Variants in COL10A1 observed in about 807,000 individuals in gnomAD.
COL10A1 encodes collagen alpha-1(X) chain.
A neutral mutation model predicts 18.2 loss-of-function variants in COL10A1; 10 were observed. The observed-to-expected ratio is 0.55, with a 90% CI of 0.34 to 0.93. The LOEUF (loss-of-function observed/expected upper bound fraction) is 0.93. Among genes scored for constraint, COL10A1 ranks in the 40% least tolerant of loss-of-function variants. COL10A1 has a pLI of 0.02. For synonymous variants in COL10A1, 330 were observed against 316.6 expected (o/e 1.04, Z -0.45); for missense variants, 897 against 853.5 (o/e 1.05, Z -0.64).
upstream of COL10A1, among the ~76,000 whole-genome samples, chr6:116,163,141 A>AAAAAAAAATATATATATATATAT (rs761718922): frequency 2.3e-5 from 2 of 88,406 alleles, no homozygotes; most frequent in African/African-American, 1.2e-4. Context: ...AAAAAAAAAA[A>AAAAAAAAATATATATATATATAT]ATATATATAT....
chr6:116,192,784 A>C, the COL10A1 span, among the ~76,000 whole-genome samples: 2 of 152,002 alleles, frequency 1.3e-5, no homozygotes. Flanking sequence ...CATTTCCTCT[A>C]TTACGATTTC....
upstream of COL10A1, among the ~76,000 whole-genome samples, chr6:116,160,127 A>G (rs899148878): frequency 2.0e-5 from 3 of 152,200 alleles, no homozygotes; most frequent in Non-Finnish European, 2.9e-5. Flanking sequence ...TTATGTATAT[A>G]CATAGTGGTG....
the COL10A1 span, among the ~76,000 whole-genome samples, chr6:116,188,568 A>G: frequency 5.5e-4 from 83 of 152,052 alleles, no homozygotes; most frequent in Non-Finnish European, 1.0e-3. Context: ...CATTTATAAA[A>G]TAGATATTAA....
chr6:116,134,140 T>C (rs1582824411), intron 1 of COL10A1, among the ~76,000 whole-genome samples: 1 of 152,178 alleles, frequency 6.6e-6, no homozygotes, highest in Non-Finnish European at 1.5e-5. Context: ...TGCTCCACAA[T>C]TGTGATTGGT....
chr6:116,147,465 G>A (rs1779926893), intron 1 of COL10A1, among the ~76,000 whole-genome samples: 2 of 151,606 alleles, frequency 1.3e-5, no homozygotes, highest in Admixed American at 1.3e-4. Context: ...AAAATAAAAA[G>A]ATAAATGACA....
chr6:116,120,677 A>T lies in COL10A1; in HGVS notation c.1439T>A (p.Ile480Lys), dbSNP rs1779088752. 6.5e-7 allele frequency: 1 copy of T among 1,546,394 alleles called. No individual in the cohort carries two copies. Among genetic ancestry groups the T allele is most frequent in the Non-Finnish European group, 8.7e-7 (1 of 1,154,012 alleles). ...GSPGPPGPAGIATKGLNGPTG... is the reference protein window; with the variant it reads ...GSPGPPGPAGKATKGLNGPTG... ...GGGTCCATTGAGGCCCTTAGTTGCT[A>T]TGCCAGCTGGGCCAGGAGGACCGGG... Residue 480 changes from isoleucine (I) to lysine (K), a missense_variant, in exon 3 of 3, where the codon ATA (isoleucine) becomes AAA (lysine). Transcript: ENST00000651968.
At chr6:116,139,087 A>G (rs1029743949) in intron 1 of COL10A1, among the ~76,000 whole-genome samples, 8 of 152,190 alleles carry the variant, frequency 5.3e-5, no homozygotes, top group African/African-American at 1.9e-4. Context: ...ATGTATTCTT[A>G]TGATTTATAG....
chr6:116,188,586 T>G, the COL10A1 span, among the ~76,000 whole-genome samples: 1 of 152,008 alleles, frequency 6.6e-6, no homozygotes, highest in East Asian at 1.9e-4. Flanking sequence ...TAAAATGGGT[T>G]ACACTAGAGC....
chr6:116,144,963 A>T lies in COL10A1; in HGVS notation c.-16+13651T>A, dbSNP rs569515484. ...AAAATGTGCTAGTTGCCAGCAGTGA[A>T]GAAGTGATCTGAGGGAAAAGGGTTC... On this transcript the variant is annotated intron_variant, in intron 1 of 1. Coordinates refer to the COL10A1 transcript ENST00000418500. 3.3e-5 allele frequency among the ~76,000 whole-genome samples: 5 copies of T among 152,336 alleles called. No homozygotes were observed. In the East Asian group the frequency reaches 9.6e-4, roughly 29 times the overall value.
chr6:116,124,899 G>C (rs1366380805), intron 2 of COL10A1, among the ~76,000 whole-genome samples: 1 of 152,162 alleles, frequency 6.6e-6, no homozygotes, highest in Non-Finnish European at 1.5e-5. Flanking sequence ...TTTTATATCT[G>C]TTTGTGGGCT....
the COL10A1 span, among the ~76,000 whole-genome samples, chr6:116,164,836 C>T: frequency 1.1e-4 from 16 of 152,160 alleles, no homozygotes; most frequent in Admixed American, 3.9e-4. Flanking sequence ...AAAAGATACA[C>T]GCTTTGGGAG....
the COL10A1 span, among the ~76,000 whole-genome samples, chr6:116,166,930 AGTATC>A: frequency 6.6e-6 from 1 of 152,180 alleles, no homozygotes; most frequent in Non-Finnish European, 1.5e-5. Context: ...GAGCCAAGGA[AGTATC>A]TTGCCTTCCT....
upstream of COL10A1, among the ~76,000 whole-genome samples, chr6:116,161,434 C>G (rs1377101705): frequency 1.3e-5 from 2 of 151,648 alleles, no homozygotes; most frequent in Non-Finnish European, 2.9e-5. Flanking sequence ...AAATAGGGGT[C>G]CAGTTTTATT....
the COL10A1 span, among the ~76,000 whole-genome samples, chr6:116,200,247 C>T: frequency 1.3e-5 from 2 of 151,834 alleles, no homozygotes; most frequent in African/African-American, 4.8e-5. Flanking sequence ...GTCAAAGTTA[C>T]CAAAAACAGG....
upstream of COL10A1, among the ~76,000 whole-genome samples, chr6:116,162,528 T>C (rs1295482481): frequency 6.6e-6 from 1 of 152,264 alleles, no homozygotes; most frequent in Non-Finnish European, 1.5e-5. Flanking sequence ...CATATTGAGA[T>C]GATCATGTGA....
At position 116,121,457 on chromosome 6, in the gene COL10A1, C is replaced by G; in HGVS notation, c.659G>C (p.Gly220Ala). The G allele has an allele frequency of 1.9e-6, 3 of 1,614,078 alleles. 1 individual carries two copies. The South Asian group carries it at 3.3e-5, about 18-fold the overall frequency. ...TGGAACCCCATTTTCACCTCTTTTT[C>G]CCACTCCAGGAGGGCCAGATGGTCC... is the stretch of plus-strand genomic sequence containing the variant. The part of the protein sequence containing the change: ...PTGPSGPPGV[G>A]KRGENGVPGQ... Residue 220 changes from glycine to alanine, a missense_variant, in exon 3 of 3, where the codon GGA (glycine) becomes GCA (alanine). Gly to Ala is a moderately conservative substitution (Grantham distance 60, BLOSUM62 0). Transcript: ENST00000651968.
chr6:116,193,353 G>A, the COL10A1 span, among the ~76,000 whole-genome samples: 1 of 152,004 alleles, frequency 6.6e-6, no homozygotes, highest in South Asian at 2.1e-4. Context: ...TAAACAAAAG[G>A]CAGGAAGAGC....
At chr6:116,203,976 C>T in the COL10A1 span, among the ~76,000 whole-genome samples, 4 of 151,874 alleles carry the variant, frequency 2.6e-5, no homozygotes, top group Non-Finnish European at 5.9e-5. Flanking sequence ...GACACACACA[C>T]GGTGATCATC....
chr6:116,123,663 G>C (rs972048269), intron 2 of COL10A1, among the ~76,000 whole-genome samples: 17 of 152,140 alleles, frequency 1.1e-4, no homozygotes, highest in African/African-American at 4.1e-4. Context: ...ATAGACTGTG[G>C]GCTTTTGTGT....
Sources: allele counts gnomAD v4.1 joint callset (sites outside exome capture counted in the v4.1 genomes callset), GRCh38; gene constraint gnomAD v4.1.1; transcripts MANE v1.5; gene names NCBI Gene and HGNC (gene_info 2026-07-23, HGNC 2026-07-21).